The following UQCRC2 variants were observed in gnomAD, a reference collection of about 807,000 sequenced individuals.
UQCRC2 encodes cytochrome b-c1 complex subunit 2, mitochondrial.
A neutral mutation model predicts 55.6 loss-of-function variants in UQCRC2; 49 were observed. The ratio of observed to expected loss-of-function variants is 0.88; its 90% CI spans 0.70 to 1.12. UQCRC2 has a LOEUF of 1.12. Ranked by LOEUF, UQCRC2 falls within the 50% of genes most tolerant of loss-of-function variation. The pLI, the probability that UQCRC2 is intolerant of heterozygous loss-of-function variation, is 0.00. For synonymous variants in UQCRC2, 193 were observed against 192.0 expected (o/e 1.01, Z -0.04); for missense variants, 506 against 547.8 (o/e 0.92, Z 0.76).
chr16:21,961,167 T>C (rs533743371), intron 4 of UQCRC2, among the ~76,000 whole-genome samples: 1 of 152,288 alleles, frequency 6.6e-6, no homozygotes, highest in Non-Finnish European at 1.5e-5. Flanking sequence ...GTAAAGATGA[T>C]AGAGAATGTC....
chr16:21,972,383 T>C (rs975459396), intron 10 of UQCRC2, among the ~76,000 whole-genome samples: 3 of 152,192 alleles, frequency 2.0e-5, no homozygotes, highest in African/African-American at 7.2e-5. Context: ...ACACATCCGT[T>C]CCCTTTAGAA....
chr16:21,977,741 G>A (rs1315915866), intron 12 of UQCRC2, among the ~76,000 whole-genome samples: 1 of 152,218 alleles, frequency 6.6e-6, no homozygotes, highest in African/African-American at 2.4e-5. Context: ...AACTCCAGTG[G>A]TCGTTATGAT....
intron 6 of UQCRC2, among the ~76,000 whole-genome samples, chr16:21,964,421 C>A (rs1353434257): frequency 6.6e-6 from 1 of 152,160 alleles, no homozygotes; most frequent in Non-Finnish European, 1.5e-5. Flanking sequence ...AGTAAGCCTT[C>A]TTATTATCTA....
At chr16:21,959,458 C>T (rs1321550683) in intron 4 of UQCRC2, 1 of 167,798 alleles carries the variant, frequency 6.0e-6, no homozygotes, top group Non-Finnish European at 1.3e-5. Context: ...GCCATTCAGT[C>T]ACATCTTCAG....
At chr16:21,958,741 C>A (rs2141927689) in intron 4 of UQCRC2, 142 bp downstream of exon 4, 1 of 711,064 alleles carries the variant, frequency 1.4e-6, no homozygotes. Flanking sequence ...GTATATCAAA[C>A]TGTAAAACAT....
chr16:21,979,528 G>C (rs1898664749), intron 12 of UQCRC2, among the ~76,000 whole-genome samples: 1 of 152,094 alleles, frequency 6.6e-6, no homozygotes, highest in Non-Finnish European at 1.5e-5. Context: ...CTATAGTACT[G>C]AATACTGTAG....
In UQCRC2 at chr16:21,962,759, A is replaced by G. The variant is rs1898234663; in HGVS notation, c.390-2A>G. 1.2e-6 allele frequency: 2 copies of G among 1,614,096 alleles called. No homozygotes were observed. Among genetic ancestry groups the G allele is most frequent in the Non-Finnish European group, 1.7e-6 (2 of 1,180,016 alleles). ...TAATTCTTATCTCGATGTCTTCTGT[A>G]GTGATATTCTAATGGAGTTCCTGCT... On this transcript the variant is annotated splice_acceptor_variant, in intron 5 of 13. Coordinates refer to ENST00000268379, the MANE Select transcript of UQCRC2 (RefSeq NM_003366.4). LOFTEE classifies it high-confidence loss of function.
chr16:21,971,698 G>A (rs2141941273), intron 9 of UQCRC2, 78 bp downstream of exon 9: 1 of 1,447,390 alleles, frequency 6.9e-7, no homozygotes, highest in East Asian at 2.3e-5. Flanking sequence ...GGTGGAATAG[G>A]CCTGAATATT....
At chr16:21,964,724 T>C (rs1412544991) in intron 6 of UQCRC2, among the ~76,000 whole-genome samples, 4 of 152,240 alleles carry the variant, frequency 2.6e-5, no homozygotes, top group African/African-American at 9.6e-5. Flanking sequence ...TACTGCACTT[T>C]TGACACACTG....
In UQCRC2 at chr16:21,957,578, C is replaced by T. The variant is rs1394757150; in HGVS notation, c.267+12C>T. 1.2e-6 allele frequency: 2 copies of T among 1,613,078 alleles called. No individual in the cohort carries two copies. The highest frequency in any genetic ancestry group is 3.3e-5 in the Admixed American group (2 of 59,772). ...TTACATCCAGTCTGGTGAGTATCTT[C>T]ACTTCCTCAAGTGTTTGGAAATGCT... On this transcript the variant is annotated intron_variant, in intron 3 of 13. Transcript: ENST00000268379.
chr16:21,968,051 G>A (rs1300400388), intron 7 of UQCRC2, among the ~76,000 whole-genome samples: 3 of 144,984 alleles, frequency 2.1e-5, no homozygotes, highest in Non-Finnish European at 4.5e-5. Flanking sequence ...GCCCAGGCCA[G>A]AGTGCAATGA....
chr16:21,960,369 C>T (rs952012368), intron 4 of UQCRC2, among the ~76,000 whole-genome samples: 5 of 152,218 alleles, frequency 3.3e-5, no homozygotes, highest in Admixed American at 6.5e-5. Context: ...CTGCATCTCA[C>T]CTCTCTCAGC....
chr16:21,964,112 C>T (rs1234404223), intron 6 of UQCRC2, among the ~76,000 whole-genome samples: 2 of 152,134 alleles, frequency 1.3e-5, no homozygotes, highest in Non-Finnish European at 2.9e-5. Flanking sequence ...GGGACAGGCT[C>T]CCCTCCACAT....
At chr16:21,966,699 AG>A (rs1207262386) in intron 7 of UQCRC2, among the ~76,000 whole-genome samples, 1 of 152,238 alleles carries the variant, frequency 6.6e-6, no homozygotes, top group Non-Finnish European at 1.5e-5. Context: ...CAACTTGAAC[AG>A]GCAGCCGTTT....
At chr16:21,964,653 G>A (rs1898282807) in intron 6 of UQCRC2, among the ~76,000 whole-genome samples, 1 of 152,094 alleles carries the variant, frequency 6.6e-6, no homozygotes, top group African/African-American at 2.4e-5. Flanking sequence ...CTGTAAGATG[G>A]ATCCCACATA....
chr16:21,971,981 T>C lies in UQCRC2; in HGVS notation c.825T>C (p.Ser275=), dbSNP rs751957067. 2.5e-6 allele frequency: 4 copies of C among 1,614,174 alleles called. No individual in the cohort carries two copies. The highest frequency in any genetic ancestry group is 1.7e-5 in the Admixed American group (1 of 60,026). Residue 275 remains serine, a synonymous_variant, in exon 10 of 14, where the codon AGT becomes AGC. Transcript: ENST00000268379. The part of the protein sequence containing the change: ...SLVHAAFVAE[S]AVAGSAEANA... ...TCCATGCTGCTTTTGTAGCAGAAAG[T>C]GCTGTCGCGGGAAGTGCAGAGGCAA...
At chr16:21,958,374 A>C (rs1450702954) in intron 3 of UQCRC2, among the ~76,000 whole-genome samples, 161 bp from the exon 4 acceptor site, 1 of 152,206 alleles carries the variant, frequency 6.6e-6, no homozygotes, top group Non-Finnish European at 1.5e-5. Flanking sequence ...TGTATACTTA[A>C]GCTTTTTGTT....
intron 4 of UQCRC2, chr16:21,961,356 G>C (rs1198601843): frequency 2.2e-6 from 1 of 447,750 alleles, no homozygotes; most frequent in African/African-American, 2.0e-5. Context: ...ACAGAGTCAT[G>C]ATGAGACCAC....
intron 12 of UQCRC2, chr16:21,980,128 CAG>C (rs34471071): frequency 0.67 from 117,904 of 176,262 alleles, 41,492 homozygotes; most frequent in Non-Finnish European, 0.78. Flanking sequence ...TCACTGACAG[CAG>C]AGAGATCTTC....
Sources: allele counts gnomAD v4.1 joint callset (sites outside exome capture counted in the v4.1 genomes callset), GRCh38; gene constraint gnomAD v4.1.1; transcripts MANE v1.5; gene names NCBI Gene and HGNC (gene_info 2026-07-23, HGNC 2026-07-21).